CIITA: variants seen among roughly 807,000 people sequenced by gnomAD.
CIITA encodes the protein class II major histocompatibility complex transactivator, also known as MHC class II transactivator.
In CIITA, 72 loss-of-function variants were observed where a neutral mutation model predicts 115.1. The observed-to-expected ratio is 0.63, with a 90% confidence interval of 0.52 to 0.76. The LOEUF (loss-of-function observed/expected upper bound fraction) is 0.76. Ranked by LOEUF, CIITA falls within the 30% of genes least tolerant of loss-of-function variation. The pLI, the probability that CIITA is intolerant of heterozygous loss-of-function variation, is 0.00. For missense variants in CIITA, 1,617 were observed against 1,463.8 expected, an observed-to-expected ratio of 1.10 and a Z score of -1.71; for synonymous variants, 763 against 635.6, an observed-to-expected ratio of 1.20 and a Z score of -3.02.
downstream of CIITA, chr16:10,938,391 C>A (rs1053564337): frequency 6.6e-6 from 1 of 151,270 alleles, no homozygotes; most frequent in Admixed American, 6.6e-5. The surrounding 1 kb of genome is among the most constrained non-coding windows in gnomAD (Gnocchi z 4.9). Flanking sequence ...AAAGAGGGAG[C>A]AAAAGTAGGT....
At chr16:10,867,610 A>G (rs923625843) in intron 1 of CIITA, among the ~76,000 whole-genome samples, 1 of 152,134 alleles carries the variant, frequency 6.6e-6, no homozygotes, top group African/African-American at 2.4e-5. Flanking sequence ...TGAAGGCCTT[A>G]TTTTTAAGAG....
In CIITA at chr16:10,933,026, G is replaced by C. The variant is rs2040865651; in HGVS notation, c.*9171G>C. Reference sequence around the variant, plus strand: ...GAACAAGTTTCTTCTAAGGCATCAAGAGCCCCAGGCTGAAAAGCACCCCAG... The same window carrying C: ...GAACAAGTTTCTTCTAAGGCATCAACAGCCCCAGGCTGAAAAGCACCCCAG... On this transcript the variant is annotated 3_prime_UTR_variant, in exon 20 of 20. Transcript: ENST00000324288. 1 of 152,252 alleles carries C rather than the reference G, an allele frequency of 6.6e-6. No individual in the cohort carries two copies. Among genetic ancestry groups the C allele is most frequent in the African/African-American group, 2.4e-5 (1 of 41,438 alleles). The allele number at this position is 152,252 out of a possible 1,614,324, so 9.4% of individuals were successfully genotyped here.
chr16:10,902,396 C>T (rs79550768), intron 7 of CIITA, among the ~76,000 whole-genome samples: 2 of 152,154 alleles, frequency 1.3e-5, no homozygotes, highest in Non-Finnish European at 2.9e-5. Flanking sequence ...CACATCCGTG[C>T]GAGCATCAGG....
At chr16:10,909,828 G>A (rs2039434435) in intron 12 of CIITA, among the ~76,000 whole-genome samples, 1 of 152,138 alleles carries the variant, frequency 6.6e-6, no homozygotes, top group Non-Finnish European at 1.5e-5. Context: ...CGGAACTCCT[G>A]AGCTCAAGCG....
chr16:10,910,984 G>C (rs2039519658), intron 13 of CIITA, among the ~76,000 whole-genome samples: 1 of 151,828 alleles, frequency 6.6e-6, no homozygotes, highest in Non-Finnish European at 1.5e-5. Flanking sequence ...CTTAGTCCCA[G>C]GCAAACTGGG....
chr16:10,888,973 G>C lies in CIITA; in HGVS notation c.53-6309G>C, dbSNP rs139242202. ...ATACAAATAGCTGATGTGTAAGTTA[G>C]ACCAAATGGGGTAATGCCTACGAGT... On this transcript the variant is annotated intron_variant, in intron 1 of 19. Coordinates refer to ENST00000324288, the MANE Select transcript of CIITA (RefSeq NM_000246.4). Among the ~76,000 whole-genome samples, 13 of 152,356 alleles carry C rather than the reference G, an allele frequency of 8.5e-5. No homozygotes were observed. In the East Asian group the frequency reaches 2.3e-3, roughly 27 times the overall value.
At position 10,928,763 on chromosome 16, in the gene CIITA, C is replaced by T. The variant is rs1255435370; in HGVS notation, c.*4908C>T. The T allele has an allele frequency of 1.3e-5, 2 of 152,324 alleles. No individual in the cohort carries two copies. The highest frequency in any genetic ancestry group is 2.9e-5 in the Non-Finnish European group (2 of 68,112). 9.4% of individuals were successfully genotyped at this position (152,324 alleles called of 1,614,324 possible). ...GGGCAGGGGGCCAGCCTGGGACTTT[C>T]ACGCCAGCCCGACTGGGGCAGACTC... On this transcript the variant is annotated 3_prime_UTR_variant, in exon 20 of 20. Coordinates refer to ENST00000324288, the MANE Select transcript of CIITA (RefSeq NM_000246.4).
chr16:10,902,823 C>T (rs1431498534), intron 8 of CIITA, 22 bp downstream of exon 8: 10 of 1,613,834 alleles, frequency 6.2e-6, no homozygotes, highest in Non-Finnish European at 8.5e-6. Flanking sequence ...GCCTGGCTCC[C>T]CGACCACCTC....
At position 10,916,372 on chromosome 16, in the gene CIITA, A is replaced by G. The variant is rs778333125; in HGVS notation, c.2975A>G (p.Asp992Gly). ...CCATCTGATTCCACCTGCAGCCTGG[A>G]TGCGCTGAGTGAGAACAAGATCGGG... ...AFSSLQHLDL[D>G]ALSENKIGDE... Residue 992 changes from aspartate (D) to glycine (G), a missense_variant, in exon 15 of 20, where the codon GAT (aspartate) becomes GGT (glycine). Physicochemically the swap from Asp to Gly is moderately conservative, Grantham distance 94. Transcript: ENST00000324288. 1.2e-6 allele frequency: 2 copies of G among 1,613,816 alleles called. No individual in the cohort carries two copies. Among genetic ancestry groups the G allele is most frequent in the Non-Finnish European group, 1.7e-6 (2 of 1,179,898 alleles).
rs1438010448 is a variant in CIITA at position 10,877,375 on chromosome 16, G to C, written c.45G>C (p.Glu15Asp). The C allele has an allele frequency of 6.2e-7, 1 of 1,613,074 alleles. No homozygotes were observed. The highest frequency in any genetic ancestry group is 2.2e-5 in the East Asian group (1 of 44,864). ...GCCCTGCTGGGTCCTACCTGTCAGA[G>C]CCCCAAGGTAAAAAGGCCGGGAAAG... ...APRPAGSYLS[E>D]PQGSSQCATM... is the part of the protein sequence containing the mutation. The change falls in exon 1 of 20, where the codon GAG (glutamate) becomes GAC (aspartate). Residue 15 changes from glutamate (E) to aspartate (D), a missense_variant. Glu to Asp is a conservative substitution (Grantham distance 45). Transcript: ENST00000324288.
downstream of CIITA, chr16:10,936,646 G>A (rs929253322): frequency 2.6e-5 from 4 of 152,254 alleles, no homozygotes; most frequent in Non-Finnish European, 1.5e-5. Context: ...AAAGTTGGAA[G>A]AGTGCGTATG....
rs2040522518 is a variant in CIITA, at chr16:10,926,132, C to G, written c.*2277C>G. ...CAGCCCCAGTGCCCACAGGATCAGT[C>G]TGATTCCCAAGCTCTGCTCCTCTCC... On this transcript the variant is annotated 3_prime_UTR_variant, in exon 20 of 20. Coordinates refer to ENST00000324288, the MANE Select transcript of CIITA (RefSeq NM_000246.4). 1 of 152,284 alleles carries G rather than the reference C, an allele frequency of 6.6e-6. No homozygotes were observed. The highest frequency in any genetic ancestry group is 1.9e-4 in the East Asian group (1 of 5,210). The allele number at this position is 152,284 out of a possible 1,614,324, so 9.4% of individuals were successfully genotyped here.
intron 4 of CIITA, 90 bp from the exon 5 acceptor site, chr16:10,898,835 C>G (rs1195241833): frequency 1.2e-5 from 19 of 1,591,684 alleles, no homozygotes; most frequent in Non-Finnish European, 1.6e-5. Flanking sequence ...GATGGGCAGT[C>G]AGACCCCTCT....
Position 10,908,197 on chromosome 16 carries a change from C to G in CIITA, c.2657+48C>G, listed in dbSNP as rs1025122749. ...GAGACATCCTTGTGTTGGGCATTAA[C>G]TGCGGTCTTGGTGCCAAGCCCAGTG... On this transcript the variant is annotated intron_variant, in intron 11 of 19. Transcript: ENST00000324288. 2.5e-5 allele frequency: 39 copies of G among 1,548,296 alleles called. No homozygotes were observed. The Admixed American group carries it at 6.5e-4, about 26-fold the overall frequency.
chr16:10,922,522 C>A, intron 18 of CIITA, 32 bp downstream of exon 18: 1 of 1,608,096 alleles, frequency 6.2e-7, no homozygotes, highest in Non-Finnish European at 8.5e-7. Context: ...GGGTGGAGAA[C>A]AACTCACTCC....
At chr16:10,874,164 A>C (rs1263644872), upstream of CIITA, among the ~76,000 whole-genome samples, 2 of 151,882 alleles carry the variant, frequency 1.3e-5, no homozygotes, top group East Asian at 3.9e-4. Context: ...TTCTATTTTT[A>C]GTAGAGACAG....
chr16:10,891,900 G>A (rs1011708436), intron 1 of CIITA, among the ~76,000 whole-genome samples: 5 of 152,186 alleles, frequency 3.3e-5, no homozygotes, highest in East Asian at 1.9e-4. Flanking sequence ...TGCAGCCCCC[G>A]CTCAACCGTC....
At position 10,907,414 on chromosome 16, in the gene CIITA, A is replaced by G; in HGVS notation, c.1922A>G (p.Tyr641Cys). 4.3e-6 allele frequency: 7 copies of G among 1,612,984 alleles called. No homozygotes were observed. Among genetic ancestry groups the G allele is most frequent in the African/African-American group, 1.3e-5 (1 of 74,956 alleles). Residue 641 changes from tyrosine (Y) to cysteine (C), a missense_variant, in exon 11 of 20, where the codon TAT becomes TGT. Physicochemically the swap from Tyr to Cys is radical, Grantham distance 194 (BLOSUM62 -2). Transcript: ENST00000324288. The surrounding 1 kb of genome is among the most constrained non-coding windows in gnomAD (Gnocchi z 5.0). ...CTGCCCTCCACGCTCACGGGACTCT[A>G]TGTCGGCCTGCTGGGCCGTGCAGCC... is the stretch of plus-strand genomic sequence containing the variant. ...AKLPSTLTGL[Y>C]VGLLGRAALD...
chr16:10,898,608 G>T, intron 3 of CIITA, 62 bp from the exon 4 acceptor site: 1 of 1,525,070 alleles, frequency 6.6e-7, no homozygotes, highest in South Asian at 1.2e-5. Context: ...CCCAAGGCCT[G>T]GCACACAGTG....
Sources: allele counts gnomAD v4.1 joint callset (sites outside exome capture counted in the v4.1 genomes callset), GRCh38; gene constraint gnomAD v4.1.1; non-coding constraint Gnocchi (gnomAD v3.1); transcripts MANE v1.5; gene names NCBI Gene and HGNC (gene_info 2026-07-23, HGNC 2026-07-21).